HAAO: variants seen among roughly 807,000 people sequenced by gnomAD.
HAAO encodes the protein 3-hydroxyanthranilate 3,4-dioxygenase.
A neutral mutation model predicts 46.2 loss-of-function variants in HAAO; 49 were observed. The observed-to-expected ratio is 1.06, with a 90% CI of 0.84 to 1.34. The LOEUF (loss-of-function observed/expected upper bound fraction) is 1.34, where lower values mean the gene tolerates loss of function less well. Among genes scored for constraint, HAAO ranks in the 40% most tolerant of loss-of-function variants. The pLI, the probability that HAAO is intolerant of heterozygous loss-of-function variation, is 0.00. For synonymous variants in HAAO, 157 were observed against 145.2 expected (o/e 1.08, Z -0.58); for missense variants, 408 against 364.5 (o/e 1.12, Z -0.97).
At chr2:42,777,744 A>C (rs552438937) in intron 4 of HAAO, among the ~76,000 whole-genome samples, 1 of 152,340 alleles carries the variant, frequency 6.6e-6, no homozygotes, top group South Asian at 2.1e-4. Flanking sequence ...AGTTAAATTA[A>C]ATAATAGATA....
chr2:42,774,187 C>G (rs548507388), intron 4 of HAAO, among the ~76,000 whole-genome samples: 51 of 152,322 alleles, frequency 3.3e-4, no homozygotes, highest in Admixed American at 7.2e-4. Flanking sequence ...GTCAACAGGA[C>G]CTCCTGAGGC....
At chr2:42,772,564 TTTAGGTTTCA>T (rs1258064763) in intron 4 of HAAO, among the ~76,000 whole-genome samples, 2 of 151,892 alleles carry the variant, frequency 1.3e-5, no homozygotes, top group African/African-American at 4.8e-5. Flanking sequence ...AAGATGGAAG[TTTAGGTTTCA>T]TTAGGTTTCA....
chr2:42,781,536 G>C lies in HAAO; in HGVS notation c.350+1778C>G, dbSNP rs181829705. ...GGTCTTATCTGAGATTCCTTCTATG[G>C]AACAAAGTTCCATCAAAGCCAATTT... On this transcript the variant is annotated intron_variant, in intron 4 of 9. Coordinates refer to ENST00000294973, the MANE Select transcript of HAAO (RefSeq NM_012205.3). 2.7e-3 allele frequency among the ~76,000 whole-genome samples: 404 copies of C among 152,246 alleles called. 2 individuals carry two copies. The highest frequency in any genetic ancestry group is 8.5e-3 in the African/African-American group (355 of 41,552).
chr2:42,776,970 C>T (rs1374526366), intron 4 of HAAO, among the ~76,000 whole-genome samples: 1 of 151,504 alleles, frequency 6.6e-6, no homozygotes, highest in Non-Finnish European at 1.5e-5. Context: ...GGCTATTTAG[C>T]TGACAACTGC....
chr2:42,770,413 G>A, intron 5 of HAAO, 80 bp downstream of exon 5: 3 of 1,108,484 alleles, frequency 2.7e-6, no homozygotes, highest in East Asian at 2.6e-5. Flanking sequence ...ACCCTGGGAG[G>A]GGAGACTTTC....
At position 42,772,933 on chromosome 2, in the gene HAAO, CAAAAAA is replaced by C. The variant is rs530541628; in HGVS notation, c.351-2357_351-2352del. Among the ~76,000 whole-genome samples the C allele has an allele frequency of 5.2e-3, 481 of 92,470 alleles. 3 individuals carry two copies. Among genetic ancestry groups the C allele is most frequent in the Non-Finnish European group, 6.4e-3 (278 of 43,626 alleles). 60.7% of individuals were successfully genotyped at this position (92,470 alleles called of 152,430 possible). ...TGATAGATAGAGTGAGCCCCCATAT[CAAAAAA>C]AAAAAAAAAAAAAAACCCAACCAAA... On this transcript the variant is annotated intron_variant, in intron 4 of 9. Coordinates refer to ENST00000294973, the MANE Select transcript of HAAO (RefSeq NM_012205.3).
rs570913602 is a variant in HAAO, at chr2:42,767,653, C to G, written c.724G>C (p.Gly242Arg). 4.5e-5 allele frequency: 70 copies of G among 1,568,142 alleles called. 1 individual carries two copies. In the South Asian group the frequency reaches 4.8e-4, roughly 11 times the overall value. ...GGGGCCAGGCTCAGGCGCCGTCCCC[C>G]CATTGTCACCACCGAGGAGCCCTCC... Reference protein sequence around the residue: ...QLEGSSVVTMGGRRLSLAPDD... With the variant: ...QLEGSSVVTMRGRRLSLAPDD... The change falls in exon 9 of 10, where the codon GGG (glycine) becomes CGG (arginine). Residue 242 changes from glycine (G) to arginine (R), a missense_variant. Physicochemically the swap from Gly to Arg is moderately radical, Grantham distance 125 (BLOSUM62 -2). Transcript: ENST00000294973.
At chr2:42,779,965 G>A (rs960357375) in intron 4 of HAAO, among the ~76,000 whole-genome samples, 1 of 151,878 alleles carries the variant, frequency 6.6e-6, no homozygotes, top group African/African-American at 2.4e-5. Context: ...ATATATTATT[G>A]GTATGTATTC....
chr2:42,785,242 A>G (rs925884655), intron 2 of HAAO, among the ~76,000 whole-genome samples: 1 of 152,226 alleles, frequency 6.6e-6, no homozygotes, highest in East Asian at 1.9e-4. Context: ...ATTAGTATTG[A>G]TGATGGTAAG....
At chr2:42,774,752 T>C (rs955914038) in intron 4 of HAAO, among the ~76,000 whole-genome samples, 7 of 152,106 alleles carry the variant, frequency 4.6e-5, no homozygotes, top group East Asian at 3.9e-4. Flanking sequence ...TCAGTGATCA[T>C]AGAAGCTGCG....
intron 4 of HAAO, among the ~76,000 whole-genome samples, chr2:42,777,055 A>G (rs551030537): frequency 7.4e-4 from 113 of 151,838 alleles, no homozygotes; most frequent in Middle Eastern, 3.4e-3. Context: ...TAATCCCAGC[A>G]CTTTGGGAGG....
At chr2:42,778,364 T>C (rs1671745289) in intron 4 of HAAO, among the ~76,000 whole-genome samples, 1 of 152,106 alleles carries the variant, frequency 6.6e-6, no homozygotes, top group African/African-American at 2.4e-5. Flanking sequence ...AGTCTTGCAC[T>C]GTTGCCTGGG....
chr2:42,778,082 C>T (rs1413527850), intron 4 of HAAO, among the ~76,000 whole-genome samples: 1 of 151,622 alleles, frequency 6.6e-6, no homozygotes, highest in African/African-American at 2.4e-5. Context: ...AAAGTCTAAG[C>T]ATAGCATGAA....
Position 42,776,572 on chromosome 2 carries a change from G to C in HAAO, c.351-5990C>G, listed in dbSNP as rs116139406. ...CTTTAATCTCCCTCTAGCACCATCCGACTTCTCTCTGTACCTTATGATGGA... is the reference window on the plus strand; with the variant it reads ...CTTTAATCTCCCTCTAGCACCATCCCACTTCTCTCTGTACCTTATGATGGA... On this transcript the variant is annotated intron_variant, in intron 4 of 9. Coordinates refer to ENST00000294973, the MANE Select transcript of HAAO (RefSeq NM_012205.3). Among the ~76,000 whole-genome samples, 954 of 149,754 alleles carry C rather than the reference G, an allele frequency of 6.4e-3. 14 individuals carry two copies. The highest frequency in any genetic ancestry group is 0.022 in the African/African-American group (911 of 40,802).
rs1237129539 is a variant in HAAO at position 42,783,315 on chromosome 2, T to G, written c.349A>C (p.Arg117=). The change falls in exon 4 of 10, where the codon AGG becomes CGG. Residue 117 remains arginine (R), a splice_region_variant and synonymous_variant. Transcript: ENST00000294973. The part of the protein sequence containing the change: ...RRLETELDGL[R]YYVGDTMDVL... Reference sequence around the variant, plus strand: ...CCCAGCCCTCCAGACAGAATTTACCTGAGCCCATCTAGCTCGGTCTCCAGC... The same window carrying G: ...CCCAGCCCTCCAGACAGAATTTACCGGAGCCCATCTAGCTCGGTCTCCAGC... 1 of 1,594,702 alleles carries G rather than the reference T, an allele frequency of 6.3e-7. No individual in the cohort carries two copies. The highest frequency in any genetic ancestry group is 1.1e-5 in the South Asian group (1 of 89,892).
At chr2:42,791,525 CTG>C (rs998646745) in intron 1 of HAAO, among the ~76,000 whole-genome samples, 5 of 152,286 alleles carry the variant, frequency 3.3e-5, no homozygotes, top group Admixed American at 2.0e-4. Context: ...TGCGTGGACT[CTG>C]GAGTCGAACT....
At chr2:42,788,076 C>T (rs534724258) in intron 2 of HAAO, among the ~76,000 whole-genome samples, 37 of 152,322 alleles carry the variant, frequency 2.4e-4, no homozygotes, top group African/African-American at 8.9e-4. Flanking sequence ...CCTCCCTCAG[C>T]CCCTCGAACT....
At chr2:42,791,460 T>C (rs1000012233) in intron 1 of HAAO, among the ~76,000 whole-genome samples, 1 of 151,876 alleles carries the variant, frequency 6.6e-6, no homozygotes, top group Non-Finnish European at 1.5e-5. Flanking sequence ...ATAGAAGAGA[T>C]CTTTGGGGAG....
At position 42,788,413 on chromosome 2, in the gene HAAO, C is replaced by G. The variant is rs185747639; in HGVS notation, c.159+116G>C. The G allele has an allele frequency of 6.6e-4, 495 of 745,476 alleles. 3 individuals are homozygous for G. The Admixed American group carries it at 8.9e-3, about 13-fold the overall frequency. 46.2% of individuals were successfully genotyped at this position (745,476 alleles called of 1,614,324 possible). A position where few individuals can be genotyped will look rare whatever the true frequency, so the allele number is the denominator to read the frequency against. On this transcript the variant is annotated intron_variant, in intron 2 of 9. Coordinates refer to ENST00000294973, the MANE Select transcript of HAAO (RefSeq NM_012205.3). ...CTGTGCCCCCTCCACTCATCAGCCA[C>G]ATGTCCACCCCTCTCCAGTCCATCA...
Sources: gnomAD v4.1 joint callset for allele counts (sites outside exome capture counted in the v4.1 genomes callset) on GRCh38, gnomAD v4.1.1 for gene constraint, MANE v1.5 for transcripts, NCBI Gene and HGNC (gene_info 2026-07-23, HGNC 2026-07-21) for gene names.